The following GALR1 variants were observed in gnomAD, a reference collection of about 807,000 sequenced individuals.
The protein encoded by GALR1 is galanin receptor type 1.
A neutral mutation model predicts 17.9 loss-of-function variants in GALR1; 11 were observed. That is an observed-to-expected ratio of 0.62 (90% CI 0.39 to 1.02). The LOEUF is 1.02. Among genes scored for constraint, GALR1 ranks in the 50% least tolerant of loss-of-function variants. GALR1 has a pLI of 0.01. For synonymous variants in GALR1, 206 were observed against 205.7 expected (o/e 1.00, Z -0.01); for missense variants, 441 against 456.9 (o/e 0.97, Z 0.32).
rs750124416 is a variant in GALR1 at position 77,250,970 on chromosome 18, G to T, written c.422G>T (p.Arg141Leu). The T allele has an allele frequency of 7.5e-6, 12 of 1,603,980 alleles. No individual in the cohort carries two copies. Among genetic ancestry groups the T allele is most frequent in the Admixed American group, 1.7e-5 (1 of 60,004 alleles). Residue 141 changes from arginine to leucine, a missense_variant, in exon 1 of 3, where the codon CGG (arginine) becomes CTG (leucine). By Grantham distance (102) the Arg-to-Leu change is moderately radical (BLOSUM62 -2). Transcript: ENST00000299727. ...CGCTACGTGGCCATCGTGCACTCGC[G>T]GCGCTCCTCCTCCCTCAGGGTGTCC... ...VDRYVAIVHSRRSSSLRVSRN... is the reference protein window; with the variant it reads ...VDRYVAIVHSLRSSSLRVSRN...
At chr18:77,258,603 ATGGTGGTGATGGTGG>A (rs1912660023) in intron 2 of GALR1, among the ~76,000 whole-genome samples, 10 of 41,612 alleles carry the variant, frequency 2.4e-4, no homozygotes, top group African/African-American at 7.6e-4. Flanking sequence ...GGTGGTGGTC[ATGGTGGTGATGGTGG>A]TGGTGGTGAT....
rs1913168799 is a variant in GALR1, at chr18:77,276,886, T to C, written c.*7984T>C. On this transcript the variant is annotated 3_prime_UTR_variant, in exon 3 of 3. Coordinates refer to ENST00000299727, the MANE Select transcript of GALR1 (RefSeq NM_001480.4). ...AAAAGCATGAAGGAGTTTAATAACTTGTAAGACTTTCAGAGATTGTTATAA... is the reference window on the plus strand; with the variant it reads ...AAAAGCATGAAGGAGTTTAATAACTCGTAAGACTTTCAGAGATTGTTATAA... 1 of 152,222 alleles carries C rather than the reference T, an allele frequency of 6.6e-6. No individual in the cohort carries two copies. Among genetic ancestry groups the C allele is most frequent in the African/African-American group, 2.4e-5 (1 of 41,458 alleles). The allele number at this position is 152,222 out of a possible 1,614,324, so 9.4% of individuals were successfully genotyped here. A position where few individuals can be genotyped will look rare whatever the true frequency, so the allele number is the denominator to read the frequency against.
rs753897070 is a variant in GALR1, at chr18:77,250,684, C to T, written c.136C>T (p.Leu46=). 34 of 1,613,024 alleles carry T rather than the reference C, an allele frequency of 2.1e-5. No individual in the cohort carries two copies. The highest frequency in any genetic ancestry group is 2.7e-5 in the Non-Finnish European group (32 of 1,179,894). The change falls in exon 1 of 3, where the codon CTG becomes TTG. Residue 46 remains leucine (L), a synonymous_variant. Coordinates refer to ENST00000299727, the MANE Select transcript of GALR1 (RefSeq NM_001480.4). ...GGTGGTGTTCGGCCTGATCTTCGCG[C>T]TGGGTGTGCTGGGCAACAGCCTAGT... ...TLVVFGLIFA[L]GVLGNSLVIT... is the part of the protein sequence containing the mutation.
At chr18:77,252,490 TC>T (rs1157096069) in intron 1 of GALR1, among the ~76,000 whole-genome samples, 3 of 152,156 alleles carry the variant, frequency 2.0e-5, no homozygotes, top group African/African-American at 7.2e-5. Flanking sequence ...GCCACCTGTT[TC>T]CCCCCACCTA....
Position 77,276,576 on chromosome 18 carries a change from G to A in GALR1, c.*7674G>A, listed in dbSNP as rs948089972. The A allele has an allele frequency of 2.0e-5, 3 of 152,200 alleles. No individual in the cohort carries two copies. The highest frequency in any genetic ancestry group is 4.4e-5 in the Non-Finnish European group (3 of 68,036). 9.4% of individuals were successfully genotyped at this position (152,200 alleles called of 1,614,324 possible). A position where few individuals can be genotyped will look rare whatever the true frequency, so the allele number is the denominator to read the frequency against. The stretch of plus-strand genomic sequence containing the variant: ...GATTTGGGATGGAGCCCAACGATTT[G>A]CAGCTGGTCCAGAGACCACCTTGTG... On this transcript the variant is annotated 3_prime_UTR_variant, in exon 3 of 3. Coordinates refer to ENST00000299727, the MANE Select transcript of GALR1 (RefSeq NM_001480.4).
At chr18:77,264,411 T>C (rs1004787278) in intron 2 of GALR1, among the ~76,000 whole-genome samples, 2 of 152,192 alleles carry the variant, frequency 1.3e-5, no homozygotes, top group Admixed American at 1.3e-4. Flanking sequence ...CTTTTTCTCT[T>C]TCTCTTCGTT....
chr18:77,264,299 G>A (rs564680545), intron 2 of GALR1, among the ~76,000 whole-genome samples: 1 of 152,160 alleles, frequency 6.6e-6, no homozygotes, highest in Non-Finnish European at 1.5e-5. Flanking sequence ...GGGAAAATCT[G>A]TGGTGGGACA....
intron 2 of GALR1, among the ~76,000 whole-genome samples, chr18:77,267,954 A>G (rs1382428698): frequency 6.6e-6 from 1 of 152,226 alleles, no homozygotes; most frequent in African/African-American, 2.4e-5. Context: ...CAAAAGAAAC[A>G]CGAAGACCCT....
rs1913055960 is a variant in GALR1 at position 77,271,246 on chromosome 18, A to AACC, written c.*2344_*2345insACC. On this transcript the variant is annotated 3_prime_UTR_variant, in exon 3 of 3. Transcript: ENST00000299727. ...CAAAAAGTAATAGCTTGCGCTTGAA[A>AACC]CCCCCCCCCCCCCGCCACTTTGCTA... 2.6e-4 allele frequency: 20 copies of AACC among 77,946 alleles called. No homozygotes were observed. The highest frequency in any genetic ancestry group is 4.6e-4 in the Non-Finnish European group (16 of 35,088). 4.8% of individuals were successfully genotyped at this position (77,946 alleles called of 1,614,324 possible). A position where few individuals can be genotyped will look rare whatever the true frequency, so the allele number is the denominator to read the frequency against.
chr18:77,258,620 G>GAT (rs1912663556), intron 2 of GALR1, among the ~76,000 whole-genome samples: 1 of 150,328 alleles, frequency 6.7e-6, no homozygotes, highest in African/African-American at 2.5e-5. Flanking sequence ...TGATGGTGGT[G>GAT]GTGGTGATGG....
intron 2 of GALR1, among the ~76,000 whole-genome samples, chr18:77,267,353 C>A (rs143209114): frequency 1.5e-3 from 227 of 152,322 alleles, no homozygotes; most frequent in African/African-American, 5.1e-3. Context: ...TGGCTGCCAG[C>A]CCCACCTTTG....
chr18:77,249,876 GC>G lies in GALR1; in HGVS notation c.-669del, dbSNP rs1912349782. Among the ~76,000 whole-genome samples, 1 of 152,226 alleles carries G rather than the reference GC, an allele frequency of 6.6e-6. No homozygotes were observed. The highest frequency in any genetic ancestry group is 1.5e-5 in the Non-Finnish European group (1 of 68,034). On this transcript the variant is annotated 5_prime_UTR_variant, in exon 1 of 3. Coordinates refer to ENST00000299727, the MANE Select transcript of GALR1 (RefSeq NM_001480.4). ...TTCGCCTCTCAGTTGCAGCAGAGAA[GC>G]CCCTGGCACCCGACTCTATCCACCA...
intron 1 of GALR1, among the ~76,000 whole-genome samples, chr18:77,255,663 C>T (rs1474020041): frequency 6.6e-6 from 1 of 152,196 alleles, no homozygotes; most frequent in African/African-American, 2.4e-5. Flanking sequence ...ATGATATTAT[C>T]TTCATTTGTT....
chr18:77,276,542 C>T lies in GALR1; in HGVS notation c.*7640C>T, dbSNP rs1390882737. On this transcript the variant is annotated 3_prime_UTR_variant, in exon 3 of 3. Coordinates refer to ENST00000299727, the MANE Select transcript of GALR1 (RefSeq NM_001480.4). ...TGTTGGCCACATCTCCAGAATTTCT[C>T]ATTCAGTAGATTTGGGATGGAGCCC... 6.6e-6 allele frequency: 1 copy of T among 152,228 alleles called. No homozygotes were observed. The highest frequency in any genetic ancestry group is 1.9e-4 in the East Asian group (1 of 5,200). 9.4% of individuals were successfully genotyped at this position (152,228 alleles called of 1,614,324 possible).
rs1230912049 is a variant in GALR1 at position 77,258,549 on chromosome 18, ATGG to A, written c.732+2334_732+2336del. On this transcript the variant is annotated intron_variant, in intron 2 of 2. Transcript: ENST00000299727. ...GGTGATGGTGGCGATTGTGGTGGTG[ATGG>A]TGGTGGTCATAGTGGGGGTGGTGGT... 1.1e-4 allele frequency among the ~76,000 whole-genome samples: 6 copies of A among 52,400 alleles called. 1 individual carries two copies. Among genetic ancestry groups the A allele is most frequent in the East Asian group, 1.1e-3 (2 of 1,794 alleles). 34.4% of individuals were successfully genotyped at this position (52,400 alleles called of 152,430 possible). A position where few individuals can be genotyped will look rare whatever the true frequency, so the allele number is the denominator to read the frequency against.
rs1261851163 is a variant in GALR1, at chr18:77,256,294, C to G, written c.732+71C>G. ...GTTTACCTTTGTTTTTTTTACTTGTCCTCACGTCCATCCAAAGCCTGTAAC... is the reference window on the plus strand; with the variant it reads ...GTTTACCTTTGTTTTTTTTACTTGTGCTCACGTCCATCCAAAGCCTGTAAC... On this transcript the variant is annotated intron_variant, in intron 2 of 2. Coordinates refer to ENST00000299727, the MANE Select transcript of GALR1 (RefSeq NM_001480.4). 5.8e-6 allele frequency: 5 copies of G among 866,060 alleles called. No individual in the cohort carries two copies. In the South Asian group the frequency reaches 7.4e-5, roughly 13 times the overall value. The allele number at this position is 866,060 out of a possible 1,614,324, so 53.6% of individuals were successfully genotyped here.
intron 2 of GALR1, among the ~76,000 whole-genome samples, chr18:77,258,923 GATGGTC>G (rs1301917567): frequency 6.8e-6 from 1 of 147,388 alleles, no homozygotes; most frequent in Non-Finnish European, 1.5e-5. Flanking sequence ...TGGTGGTGAT[GATGGTC>G]ATGGTGGTGA....
At chr18:77,259,784 G>T (rs537049018) in intron 2 of GALR1, among the ~76,000 whole-genome samples, 3 of 151,934 alleles carry the variant, frequency 2.0e-5, no homozygotes, top group African/African-American at 7.3e-5. Flanking sequence ...GTAAGAAGAG[G>T]GTGTGGAAGC....
intron 2 of GALR1, 25 bp downstream of exon 2, chr18:77,256,248 T>G: frequency 6.4e-6 from 8 of 1,244,152 alleles, no homozygotes; most frequent in South Asian, 1.2e-5. Context: ...TATATATATA[T>G]ATGTTACTTT....
Sources: allele counts gnomAD v4.1 joint callset (sites outside exome capture counted in the v4.1 genomes callset), GRCh38; gene constraint gnomAD v4.1.1; transcripts MANE v1.5; gene names NCBI Gene and HGNC (gene_info 2026-07-23, HGNC 2026-07-21).